Variants in AKAP19 observed in about 807,000 individuals in gnomAD.
AKAP19 encodes small A-kinase anchoring protein.
the AKAP19 span, chr2:189,923,560 T>C: frequency 1.9e-6 from 3 of 1,614,002 alleles, no homozygotes; most frequent in Non-Finnish European, 1.7e-6. Context: ...GCAGAATGAT[T>C]GCTGGCCAGG....
the AKAP19 span, among the ~76,000 whole-genome samples, chr2:190,059,366 T>G: frequency 6.6e-6 from 1 of 151,940 alleles, no homozygotes; most frequent in Non-Finnish European, 1.5e-5. Context: ...TAGTCGGCCT[T>G]CCCTGAGTAA....
the AKAP19 span, among the ~76,000 whole-genome samples, chr2:189,983,948 T>G: frequency 6.7e-6 from 1 of 149,326 alleles, no homozygotes; most frequent in East Asian, 1.9e-4. Flanking sequence ...AACCAGCAAG[T>G]TTTTTTTAGG....
At chr2:189,936,107 G>T in the AKAP19 span, among the ~76,000 whole-genome samples, 2 of 151,938 alleles carry the variant, frequency 1.3e-5, no homozygotes, top group African/African-American at 4.8e-5. Context: ...TTTAAAATGA[G>T]AATTAGAATT....
chr2:190,154,037 T>C, the AKAP19 span, among the ~76,000 whole-genome samples: 1 of 152,210 alleles, frequency 6.6e-6, no homozygotes. Flanking sequence ...ATTAAGCTAT[T>C]TTGCAACCTC....
At chr2:190,100,143 A>G in the AKAP19 span, among the ~76,000 whole-genome samples, 1 of 152,190 alleles carries the variant, frequency 6.6e-6, no homozygotes, top group African/African-American at 2.4e-5. Context: ...GGTTGGGCTG[A>G]CTTTGAAATG....
the AKAP19 span, among the ~76,000 whole-genome samples, chr2:189,942,412 T>C: frequency 6.6e-6 from 1 of 152,218 alleles, no homozygotes; most frequent in Non-Finnish European, 1.5e-5. Context: ...TGAAGAACCA[T>C]CAGCCAATTA....
At chr2:189,890,065 GC>G in the AKAP19 span, among the ~76,000 whole-genome samples, 3 of 152,122 alleles carry the variant, frequency 2.0e-5, no homozygotes, top group Non-Finnish European at 2.9e-5. Context: ...GGCATTTAGT[GC>G]TATAAATTTC....
chr2:190,104,617 C>G, the AKAP19 span, among the ~76,000 whole-genome samples: 1 of 152,034 alleles, frequency 6.6e-6, no homozygotes, highest in African/African-American at 2.4e-5. Flanking sequence ...TGGCAAGACC[C>G]CTTCTCAACA....
chr2:189,949,841 A>G, the AKAP19 span, among the ~76,000 whole-genome samples: 1 of 151,466 alleles, frequency 6.6e-6, no homozygotes, highest in East Asian at 2.0e-4. Context: ...CATGTTGTCC[A>G]GGATGGTGTC....
the AKAP19 span, among the ~76,000 whole-genome samples, chr2:190,195,479 CT>C: frequency 6.6e-6 from 1 of 152,160 alleles, no homozygotes; most frequent in South Asian, 2.1e-4. Flanking sequence ...CATTATCTCA[CT>C]GTTTAAATTT....
the AKAP19 span, among the ~76,000 whole-genome samples, chr2:190,127,331 G>A: frequency 6.6e-6 from 1 of 151,782 alleles, no homozygotes; most frequent in Non-Finnish European, 1.5e-5. Context: ...AGGATCTTGG[G>A]AAGCCCATTT....
the AKAP19 span, among the ~76,000 whole-genome samples, chr2:189,953,876 G>T: frequency 1.3e-5 from 2 of 152,134 alleles, no homozygotes; most frequent in Non-Finnish European, 2.9e-5. Flanking sequence ...CCACTAAGCT[G>T]CATCTTTTGT....
chr2:190,078,033 C>G, the AKAP19 span, among the ~76,000 whole-genome samples: 1 of 152,076 alleles, frequency 6.6e-6, no homozygotes, highest in Non-Finnish European at 1.5e-5. Context: ...TTCTTTCATT[C>G]TATTCATTTA....
the AKAP19 span, among the ~76,000 whole-genome samples, chr2:189,982,932 G>C: frequency 6.6e-6 from 1 of 152,070 alleles, no homozygotes; most frequent in Non-Finnish European, 1.5e-5. Flanking sequence ...AGCATTAAGC[G>C]CCTCTGATAG....
the AKAP19 span, among the ~76,000 whole-genome samples, chr2:189,942,148 G>A: frequency 9.2e-5 from 14 of 152,166 alleles, no homozygotes; most frequent in African/African-American, 3.1e-4. Flanking sequence ...TCCCATGCTG[G>A]CGGGGAGGCC....
At chr2:190,131,024 G>A in the AKAP19 span, among the ~76,000 whole-genome samples, 9 of 152,164 alleles carry the variant, frequency 5.9e-5, no homozygotes, top group African/African-American at 1.9e-4. Context: ...AGAAATATAT[G>A]TATTGGTCTC....
the AKAP19 span, among the ~76,000 whole-genome samples, chr2:189,921,506 T>G: frequency 4.7e-4 from 72 of 152,238 alleles, no homozygotes; most frequent in African/African-American, 1.7e-3. Context: ...AGGTGAGGGA[T>G]TAAAGGCATA....
the AKAP19 span, among the ~76,000 whole-genome samples, chr2:190,050,345 T>G: frequency 2.0e-5 from 3 of 152,222 alleles, no homozygotes; most frequent in African/African-American, 7.2e-5. Flanking sequence ...GTTTACTTAA[T>G]AAGTTAGATT....
chr2:190,098,861 T>G, the AKAP19 span, among the ~76,000 whole-genome samples: 5 of 152,348 alleles, frequency 3.3e-5, no homozygotes, highest in African/African-American at 9.6e-5. Flanking sequence ...CTGATTCCCC[T>G]TGTACTTTTA....
Sources: gnomAD v4.1 joint callset for allele counts (sites outside exome capture counted in the v4.1 genomes callset) on GRCh38, gnomAD v4.1.1 for gene constraint, MANE v1.5 for transcripts, NCBI Gene and HGNC (gene_info 2026-07-23, HGNC 2026-07-21) for gene names.